The following MAP3K15 variants were observed in gnomAD, a reference collection of about 807,000 sequenced individuals.
MAP3K15 encodes MAPK/ERK kinase kinase 15.
A neutral mutation model predicts 99.5 loss-of-function variants in MAP3K15; 124 were observed. That is an observed-to-expected ratio of 1.25 (90% CI 1.08 to 1.45). The LOEUF is 1.45. MAP3K15 is among the 40% of genes most tolerant of loss of function. The probability of loss-of-function intolerance (pLI) is 0.00; values close to 1 mark genes in which losing one functional copy is unlikely to be tolerated. For missense variants in MAP3K15, 1,242 were observed against 1,079.7 expected (o/e 1.15, Z -2.11); for synonymous variants, 494 against 439.6 (o/e 1.12, Z -1.55).
At chrX:19,374,334 C>T (rs1021645881) in intron 20 of MAP3K15, 143 bp downstream of exon 20, 60 of 521,230 alleles carry the variant, frequency 1.2e-4, no homozygotes, top group African/African-American at 1.1e-3. Flanking sequence ...GCACAGGCCC[C>T]GTCACTCTTC....
At chrX:19,378,036 T>C (rs903530193) in intron 19 of MAP3K15, among the ~76,000 whole-genome samples, 2 of 112,217 alleles carry the variant, frequency 1.8e-5, no homozygotes, top group East Asian at 2.8e-4. Flanking sequence ...TCGGGACCCA[T>C]TGAACATGCT....
At chrX:19,435,832 G>A (rs2063916942) in intron 6 of MAP3K15, among the ~76,000 whole-genome samples, 1 of 112,497 alleles carries the variant, frequency 8.9e-6, no homozygotes, top group Admixed American at 9.4e-5. Flanking sequence ...AACTTTGACA[G>A]TGGGTCTGAA....
chrX:19,410,151 T>C (rs182796803), intron 11 of MAP3K15, among the ~76,000 whole-genome samples, 178 bp from the exon 12 acceptor site: 1 of 112,553 alleles, frequency 8.9e-6, no homozygotes, highest in African/African-American at 3.2e-5. Flanking sequence ...TTATGTATTA[T>C]AAAAATTCAT....
intron 25 of MAP3K15, 32 bp from the exon 26 acceptor site, chrX:19,362,882 T>A (rs1396128314): frequency 1.0e-5 from 8 of 779,793 alleles, no homozygotes; most frequent in Non-Finnish European, 1.5e-5. Context: ...AAAGCCATTA[T>A]CCAGAGAGCA....
intron 11 of MAP3K15, among the ~76,000 whole-genome samples, chrX:19,411,786 C>G (rs1254566915): frequency 1.8e-5 from 2 of 111,256 alleles, no homozygotes; most frequent in African/African-American, 3.3e-5. Flanking sequence ...CGGGGACCAA[C>G]AAAGAGGCAA....
rs73455646 is a variant in MAP3K15 at position 19,455,874 on chromosome X, C to T, written c.995+1039G>A. 6.7e-3 allele frequency among the ~76,000 whole-genome samples: 738 copies of T among 110,622 alleles called. 4 individuals carry two copies. Among genetic ancestry groups the T allele is most frequent in the African/African-American group, 0.022 (667 of 30,462 alleles). Reference sequence around the variant, plus strand: ...CAGGCACTCTCCCAAGAACCTCAGGCGTGATGGCTCATTTAATGGTTATTA... The same window carrying T: ...CAGGCACTCTCCCAAGAACCTCAGGTGTGATGGCTCATTTAATGGTTATTA... On this transcript the variant is annotated intron_variant, in intron 6 of 28. Transcript: ENST00000338883.
At chrX:19,490,351 T>C (rs1602348444) in intron 1 of MAP3K15, among the ~76,000 whole-genome samples, 1 of 111,709 alleles carries the variant, frequency 9.0e-6, no homozygotes, top group South Asian at 3.7e-4. Context: ...CTGTATAGAA[T>C]TCTGTTGTGA....
At chrX:19,451,450 A>T (rs771451384) in intron 6 of MAP3K15, among the ~76,000 whole-genome samples, 5,170 of 103,534 alleles carry the variant, frequency 0.05, 349 homozygotes, top group African/African-American at 0.17. Context: ...ATATATATAA[A>T]AAAAAAAACC....
intron 9 of MAP3K15, among the ~76,000 whole-genome samples, chrX:19,422,533 T>C (rs1282020625): frequency 8.9e-6 from 1 of 111,827 alleles, no homozygotes; most frequent in Non-Finnish European, 1.9e-5. Flanking sequence ...AAACAACAGG[T>C]GCTGGAGAGG....
At chrX:19,490,518 T>A (rs1602348545) in intron 1 of MAP3K15, among the ~76,000 whole-genome samples, 1 of 110,709 alleles carries the variant, frequency 9.0e-6, no homozygotes, top group East Asian at 2.8e-4. Flanking sequence ...TTGGCCGAGG[T>A]GGGCAGAATG....
intron 3 of MAP3K15, among the ~76,000 whole-genome samples, chrX:19,479,315 C>T (rs933971370): frequency 9.0e-6 from 1 of 110,950 alleles, no homozygotes; most frequent in Admixed American, 9.6e-5. Context: ...AATGGAGGAA[C>T]ATAGAGGCCT....
intron 6 of MAP3K15, among the ~76,000 whole-genome samples, chrX:19,442,848 G>A (rs1360082278): frequency 6.7e-5 from 7 of 104,617 alleles, no homozygotes; most frequent in Admixed American, 1.1e-4. Context: ...TCAGCCTCCC[G>A]AGTACCTGGG....
intron 4 of MAP3K15, among the ~76,000 whole-genome samples, chrX:19,460,502 C>T (rs770701185): frequency 1.9e-3 from 217 of 111,812 alleles, no homozygotes; most frequent in Non-Finnish European, 2.8e-3. Context: ...TATTTATTTT[C>T]GCCACTAGTA....
intron 15 of MAP3K15, among the ~76,000 whole-genome samples, chrX:19,395,501 C>T (rs186828159): frequency 0.019 from 2,140 of 111,310 alleles, 65 homozygotes; most frequent in African/African-American, 0.067. Context: ...TGTTATTTTT[C>T]GGGCCTGAAC....
At chrX:19,392,193 C>T in intron 17 of MAP3K15, 86 bp from the exon 18 acceptor site, 1 of 1,047,261 alleles carries the variant, frequency 9.5e-7, no homozygotes, top group Non-Finnish European at 1.3e-6. Flanking sequence ...GAAACCGTCA[C>T]AAGTCTCTAG....
At chrX:19,455,513 ATTTTTTTTTTT>A (rs755405077) in intron 6 of MAP3K15, among the ~76,000 whole-genome samples, 6 of 65,718 alleles carry the variant, frequency 9.1e-5, no homozygotes, top group African/African-American at 4.8e-4. Flanking sequence ...TGCCTGGCTA[ATTTTTTTTTTT>A]TTTTTTTTTT....
intron 1 of MAP3K15, chrX:19,496,626 C>T (rs1301371221): frequency 9.0e-6 from 1 of 111,577 alleles, no homozygotes; most frequent in Non-Finnish European, 1.9e-5. Flanking sequence ...CTGACAAGGG[C>T]ACCGCTGAGC....
At position 19,512,819 on chromosome X, in the gene MAP3K15, A is replaced by C. The variant is rs888530778; in HGVS notation, c.361+2082T>G. Among the ~76,000 whole-genome samples, 3 of 111,204 alleles carry C rather than the reference A, an allele frequency of 2.7e-5. No homozygotes were observed. In the East Asian group the frequency reaches 8.4e-4, roughly 31 times the overall value. On this transcript the variant is annotated intron_variant, in intron 1 of 28. Coordinates refer to ENST00000338883, the MANE Select transcript of MAP3K15 (RefSeq NM_001001671.4). ...GATCTTACCATTTTTACCGTATTCT[A>C]ATCAGTTTAACTGTCAAGAGCCACC...
At chrX:19,399,309 T>C (rs1355374457) in intron 14 of MAP3K15, among the ~76,000 whole-genome samples, 2 of 111,357 alleles carry the variant, frequency 1.8e-5, no homozygotes, top group East Asian at 5.6e-4. Flanking sequence ...ATGCCTGTAA[T>C]CCCAGCACTT....
Sources: allele counts gnomAD v4.1 joint callset (sites outside exome capture counted in the v4.1 genomes callset), GRCh38; gene constraint gnomAD v4.1.1; transcripts MANE v1.5; gene names NCBI Gene and HGNC (gene_info 2026-07-23, HGNC 2026-07-21).